Variants in VAV2 observed in about 807,000 individuals in gnomAD.
VAV2 encodes guanine nucleotide exchange factor VAV2.
Under a neutral mutation model 132.5 loss-of-function variants are expected in VAV2, and 67 were observed. The ratio of observed to expected loss-of-function variants is 0.51; its 90% CI spans 0.42 to 0.62. VAV2 has a LOEUF of 0.62. Ranked by LOEUF, VAV2 falls within the 20% of genes least tolerant of loss-of-function variation. The pLI, the probability that VAV2 is intolerant of heterozygous loss-of-function variation, is 0.00. For synonymous variants in VAV2, 492 were observed against 443.5 expected (o/e 1.11, Z -1.37); for missense variants, 938 against 1,153.6 (o/e 0.81, Z 2.71).
At chr9:133,803,949 T>C (rs1835037858) in intron 9 of VAV2, among the ~76,000 whole-genome samples, 1 of 151,962 alleles carries the variant, frequency 6.6e-6, no homozygotes, top group African/African-American at 2.4e-5. Context: ...AGGACTGTGC[T>C]CAGGGGGACA....
At chr9:133,981,377 G>A (rs1434964223) in intron 1 of VAV2, among the ~76,000 whole-genome samples, 2 of 152,230 alleles carry the variant, frequency 1.3e-5, no homozygotes, top group African/African-American at 4.8e-5. Context: ...ACTTGGCGGC[G>A]AGAGGGGAGG....
intron 1 of VAV2, among the ~76,000 whole-genome samples, chr9:133,949,265 T>TC (rs1380905899): frequency 1.3e-5 from 2 of 151,854 alleles, no homozygotes; most frequent in African/African-American, 4.8e-5. Flanking sequence ...TCTGCACACT[T>TC]CCCCTCCTTC....
rs1195806884 is a variant in VAV2, at chr9:133,824,334, A to G, written c.449+9938T>C. Among the ~76,000 whole-genome samples the G allele has an allele frequency of 6.6e-6, 1 of 152,082 alleles. No individual in the cohort carries two copies. The highest frequency in any genetic ancestry group is 1.5e-5 in the Non-Finnish European group (1 of 68,002). On this transcript the variant is annotated intron_variant, in intron 4 of 29. Transcript: ENST00000371850. The surrounding 1 kb of genome is among the most constrained non-coding windows in gnomAD (Gnocchi z 5.2). ...AGAGGATCCCCACCGAGCCAGGTCC[A>G]CCAGCCCTCAGTTCCCGAGAACAGA...
chr9:133,905,293 G>A (rs952474941), intron 2 of VAV2, among the ~76,000 whole-genome samples: 12 of 151,368 alleles, frequency 7.9e-5, no homozygotes, highest in East Asian at 1.9e-4. Flanking sequence ...AAAATTAGCC[G>A]GGCGTGGTGG....
intron 9 of VAV2, 41 bp downstream of exon 9, chr9:133,806,040 A>G (rs758309322): frequency 6.3e-7 from 1 of 1,585,350 alleles, no homozygotes; most frequent in Non-Finnish European, 8.6e-7. Flanking sequence ...TCCCGCAGAC[A>G]GGGAGGGGCC....
rs1441950040 is a variant in VAV2, at chr9:133,854,453, C to T, written c.380+6921G>A. Among the ~76,000 whole-genome samples, 4 of 152,264 alleles carry T rather than the reference C, an allele frequency of 2.6e-5. No individual in the cohort carries two copies. In the South Asian group the frequency reaches 6.2e-4, roughly 24 times the overall value. ...AAGAGGAGCAGTGGTGCGAATGAGG[C>T]AGTGACCATGCCAGGCCAGAGAACT... On this transcript the variant is annotated intron_variant, in intron 3 of 29. Transcript: ENST00000371850.
At chr9:133,780,022 C>T (rs772278039) in intron 20 of VAV2, 83 bp from the exon 21 acceptor site, 2 of 1,574,192 alleles carry the variant, frequency 1.3e-6, no homozygotes, top group Admixed American at 1.7e-5. Context: ...CCCGCCCTCC[C>T]TGTCCCCACT....
intron 2 of VAV2, among the ~76,000 whole-genome samples, chr9:133,873,789 A>G (rs10993836): frequency 0.096 from 14,654 of 152,196 alleles, 808 homozygotes; most frequent in South Asian, 0.19. Flanking sequence ...AAATTCTCCA[A>G]TTTTGAGATG....
intron 2 of VAV2, among the ~76,000 whole-genome samples, chr9:133,865,249 G>A (rs544955380): frequency 9.2e-5 from 14 of 152,282 alleles, no homozygotes; most frequent in South Asian, 6.2e-4. Flanking sequence ...CGTAGACTGC[G>A]GATTCACTGT....
intron 25 of VAV2, among the ~76,000 whole-genome samples, chr9:133,774,389 G>T (rs932745231): frequency 3.3e-5 from 5 of 152,214 alleles, no homozygotes; most frequent in Non-Finnish European, 5.9e-5. Flanking sequence ...CTCAGTGCTT[G>T]GTGGGCTCCA....
At chr9:133,909,060 A>G (rs1179698104) in intron 2 of VAV2, among the ~76,000 whole-genome samples, 1 of 152,268 alleles carries the variant, frequency 6.6e-6, no homozygotes, top group Non-Finnish European at 1.5e-5. Flanking sequence ...TTGAATTACA[A>G]AACTGCAAAG....
intron 1 of VAV2, among the ~76,000 whole-genome samples, chr9:133,976,760 C>T (rs537101634): frequency 2.3e-3 from 352 of 152,336 alleles, no homozygotes; most frequent in Non-Finnish European, 3.7e-3. Context: ...CCTGGCTTCC[C>T]CGCCTTAGCA....
intron 6 of VAV2, among the ~76,000 whole-genome samples, chr9:133,809,864 C>G (rs1835293927): frequency 6.6e-6 from 1 of 152,184 alleles, no homozygotes; most frequent in Non-Finnish European, 1.5e-5. Context: ...CTGGGTAAAC[C>G]CCACCTGTCA....
At chr9:133,841,363 C>T (rs925005006) in intron 3 of VAV2, among the ~76,000 whole-genome samples, 9 of 151,940 alleles carry the variant, frequency 5.9e-5, no homozygotes, top group African/African-American at 1.9e-4. Flanking sequence ...CATGTGGCAG[C>T]GAACTCCTCT....
chr9:133,956,347 G>C (rs1369880526), intron 1 of VAV2, among the ~76,000 whole-genome samples: 1 of 152,184 alleles, frequency 6.6e-6, no homozygotes, highest in Non-Finnish European at 1.5e-5. Context: ...CCCCTGGGGA[G>C]GGTCTCTGGT....
rs988165986 is a variant in VAV2 at position 133,834,663 on chromosome 9, G to C, written c.381-323C>G. ...AAAGCGTTCATCTGCTGGGCGACCT[G>C]CCTTCCCCTTTACCCACCCTCCCAC... On this transcript the variant is annotated intron_variant, in intron 3 of 29. Transcript: ENST00000371850. The surrounding 1 kb of genome is among the most constrained non-coding windows in gnomAD (Gnocchi z 5.9). Among the ~76,000 whole-genome samples, 3 of 152,370 alleles carry C rather than the reference G, an allele frequency of 2.0e-5. No individual in the cohort carries two copies. The highest frequency in any genetic ancestry group is 6.5e-5 in the Admixed American group (1 of 15,306).
Position 133,918,693 on chromosome 9 carries a change from T to C in VAV2, c.321+20410A>G, listed in dbSNP as rs1840189484. On this transcript the variant is annotated intron_variant, in intron 2 of 29. Transcript: ENST00000371850. The surrounding 1 kb of genome is among the most constrained non-coding windows in gnomAD (Gnocchi z 4.7). ...CAGGCAGACCTCAAATCCAGGCCCA[T>C]CTGAGTCCAAAAGTCCCATTCTCAA... 6.6e-6 allele frequency among the ~76,000 whole-genome samples: 1 copy of C among 152,010 alleles called. No individual in the cohort carries two copies. Among genetic ancestry groups the C allele is most frequent in the South Asian group, 2.1e-4 (1 of 4,816 alleles).
intron 4 of VAV2, among the ~76,000 whole-genome samples, chr9:133,830,005 C>A (rs1836202485): frequency 6.6e-6 from 1 of 152,124 alleles, no homozygotes. Flanking sequence ...TAGGAACCAG[C>A]TGACGATGGA....
chr9:133,946,519 C>T (rs893738261), intron 1 of VAV2, among the ~76,000 whole-genome samples: 1 of 152,220 alleles, frequency 6.6e-6, no homozygotes, highest in Non-Finnish European at 1.5e-5. Flanking sequence ...CCAGGAAGTA[C>T]CCACAGACAT....
Sources: gnomAD v4.1 joint callset for allele counts (sites outside exome capture counted in the v4.1 genomes callset) on GRCh38, gnomAD v4.1.1 for gene constraint, Gnocchi (gnomAD v3.1) non-coding constraint, MANE v1.5 for transcripts, NCBI Gene and HGNC (gene_info 2026-07-23, HGNC 2026-07-21) for gene names.